The following NUP88 variants were observed in gnomAD, a reference collection of about 807,000 sequenced individuals.
NUP88 encodes the protein nucleoporin 88, also known as nuclear pore complex protein Nup88.
In NUP88, 57 loss-of-function variants were observed where a neutral mutation model predicts 93.9. The observed-to-expected ratio is 0.61, with a 90% confidence interval of 0.49 to 0.76. NUP88 has a LOEUF of 0.76. Ranked by LOEUF, NUP88 falls within the 30% of genes least tolerant of loss-of-function variation. The pLI is 0.00. For synonymous variants in NUP88, 346 were observed against 336.8 expected (o/e 1.03, Z -0.30); for missense variants, 911 against 901.0 (o/e 1.01, Z -0.14).
rs569816813 is a variant in NUP88, at chr17:5,412,444, CAT to C, written c.593+1563_593+1564del. Among the ~76,000 whole-genome samples, 15 of 152,308 alleles carry C rather than the reference CAT, an allele frequency of 9.8e-5. No homozygotes were observed. In the East Asian group the frequency reaches 2.9e-3, roughly 29 times the overall value. The stretch of plus-strand genomic sequence containing the variant: ...TGTCTCAGTTATAAGATCGAAAAAA[CAT>C]AGCAATACACACGTATCACGTTCAG... On this transcript the variant is annotated intron_variant, in intron 3 of 16. Transcript: ENST00000573584.
At position 5,416,608 on chromosome 17, in the gene NUP88, T is replaced by G. The variant is rs1914164317; in HGVS notation, c.372A>C (p.Ala124=). ...VLLSPTQHHV[A]LIGIKGLMVL... is the part of the protein sequence containing the mutation. ...CCATAAGTCCTTTTATTCCTATAAGTGCTACATGATGTTGTGTTGGGCTTA... is the reference window on the plus strand; with the variant it reads ...CCATAAGTCCTTTTATTCCTATAAGGGCTACATGATGTTGTGTTGGGCTTA... Residue 124 remains alanine (A), a synonymous_variant, in exon 2 of 17, where the codon GCA becomes GCC. Coordinates refer to ENST00000573584, the MANE Select transcript of NUP88 (RefSeq NM_002532.6). 3.1e-6 allele frequency: 5 copies of G among 1,612,476 alleles called. No homozygotes were observed. The East Asian group carries it at 1.1e-4, about 36-fold the overall frequency.
At chr17:5,391,120 C>T (rs182896800) in intron 10 of NUP88, among the ~76,000 whole-genome samples, 2 of 152,266 alleles carry the variant, frequency 1.3e-5, no homozygotes, top group Admixed American at 1.3e-4. Flanking sequence ...GTGACTTCAG[C>T]ATTTACTAAC....
chr17:5,417,461 C>T (rs980731590), intron 1 of NUP88, among the ~76,000 whole-genome samples: 4 of 151,868 alleles, frequency 2.6e-5, no homozygotes, highest in African/African-American at 7.2e-5. Flanking sequence ...GAGAAAGACC[C>T]CATTTCAAAA....
chr17:5,403,131 G>A (rs2151641683), intron 7 of NUP88, among the ~76,000 whole-genome samples: 1 of 152,248 alleles, frequency 6.6e-6, no homozygotes, highest in African/African-American at 2.4e-5. Context: ...ACTGCTTGAG[G>A]CCAGGAGTTT....
At chr17:5,413,514 T>A (rs923201892) in intron 3 of NUP88, among the ~76,000 whole-genome samples, 15 of 152,072 alleles carry the variant, frequency 9.9e-5, no homozygotes, top group Non-Finnish European at 1.0e-4. Context: ...AGAGTAGAAA[T>A]CTACGTAGCA....
chr17:5,394,830 G>A (rs1036232735), intron 9 of NUP88, 61 bp downstream of exon 9: 4 of 1,128,926 alleles, frequency 3.5e-6, no homozygotes, highest in East Asian at 2.3e-5. Flanking sequence ...GGATACAAAC[G>A]TATCTGAACT....
chr17:5,405,102 C>G lies in NUP88; in HGVS notation c.999G>C (p.Leu333=), dbSNP rs1393179525. ...CCCCTTCTAGCACGACACAGTGATACAGCATTCCTGATTCAGTAGCGATCA... is the reference window on the plus strand; with the variant it reads ...CCCCTTCTAGCACGACACAGTGATAGAGCATTCCTGATTCAGTAGCGATCA... ...ILVIATESGM[L]YHCVVLEGEE... is the part of the protein sequence containing the mutation. Residue 333 remains leucine, a synonymous_variant, in exon 6 of 17, where the codon CTG becomes CTC. Transcript: ENST00000573584. 1.9e-6 allele frequency: 3 copies of G among 1,614,030 alleles called. No homozygotes were observed. The highest frequency in any genetic ancestry group is 2.5e-6 in the Non-Finnish European group (3 of 1,180,026).
rs1291371414 is a variant in NUP88 at position 5,404,118 on chromosome 17, A to G, written c.1173T>C (p.Cys391=). The G allele has an allele frequency of 1.2e-6, 2 of 1,614,140 alleles. No homozygotes were observed. Among genetic ancestry groups the G allele is most frequent in the East Asian group, 2.2e-5 (1 of 44,880 alleles). The change falls in exon 7 of 17, where the codon TGT becomes TGC. Residue 391 remains cysteine, a synonymous_variant. Transcript: ENST00000573584. ...GCTTACCTCTATGAAGTTTGACTGG[A>G]CAAGAAAAGTCAGAATCAAAAGGGT... ...EDDPFDSDFS[C]PVKLHRDPKC...
chr17:5,413,865 G>T, intron 3 of NUP88, 144 bp downstream of exon 3: 2 of 779,168 alleles, frequency 2.6e-6, no homozygotes, highest in South Asian at 1.8e-5. Context: ...CAATTCTTAT[G>T]ATTGAGAATG....
At chr17:5,399,137 C>T (rs1326433700) in intron 8 of NUP88, among the ~76,000 whole-genome samples, 2 of 150,648 alleles carry the variant, frequency 1.3e-5, no homozygotes, top group East Asian at 3.9e-4. Flanking sequence ...GTGATCCACC[C>T]ACCTCGGCCT....
At chr17:5,406,271 A>T (rs1913483349) in intron 5 of NUP88, among the ~76,000 whole-genome samples, 1 of 152,240 alleles carries the variant, frequency 6.6e-6, no homozygotes, top group South Asian at 2.1e-4. Context: ...TGAGCATTCC[A>T]AGCTAGAGAT....
At chr17:5,387,746 G>A in intron 12 of NUP88, 33 bp downstream of exon 12, 1 of 1,608,802 alleles carries the variant, frequency 6.2e-7, no homozygotes, top group East Asian at 2.2e-5. Context: ...TACCAGCCAG[G>A]GATCGATGGT....
chr17:5,410,800 A>C lies in NUP88; in HGVS notation c.594-11T>G. The C allele has an allele frequency of 6.4e-7, 1 of 1,553,130 alleles. No individual in the cohort carries two copies. The highest frequency in any genetic ancestry group is 8.8e-7 in the Non-Finnish European group (1 of 1,135,066). On this transcript the variant is annotated splice_polypyrimidine_tract_variant and intron_variant, in intron 3 of 16. Transcript: ENST00000573584. ...CGTAGTGAGTAAATTCTAGCAACCA[A>C]AAGAGAAGAAAACCAGCACTTAAAA... is the stretch of plus-strand genomic sequence containing the variant.
rs764451361 is a variant in NUP88, at chr17:5,387,099, A to G, written c.1928T>C (p.Leu643Pro). The change falls in exon 15 of 17, where the codon CTA (leucine) becomes CCA (proline). Residue 643 changes from leucine (L) to proline (P), a missense_variant. Physicochemically the swap from Leu to Pro is moderately conservative, Grantham distance 98 (BLOSUM62 -3). Transcript: ENST00000573584. The part of the protein sequence containing the change: ...QEDIMNRMKK[L>P]LHSFHSELPV... ...GAGCTCAGAGTGAAAACTGTGAAGTAGTTTTTTCATCCTTTAGAAAAGGCA... is the reference window on the plus strand; with the variant it reads ...GAGCTCAGAGTGAAAACTGTGAAGTGGTTTTTTCATCCTTTAGAAAAGGCA... The G allele has an allele frequency of 6.2e-7, 1 of 1,613,334 alleles. No individual in the cohort carries two copies. Among genetic ancestry groups the G allele is most frequent in the Non-Finnish European group, 8.5e-7 (1 of 1,179,874 alleles).
chr17:5,413,541 T>C (rs1365050390), intron 3 of NUP88, among the ~76,000 whole-genome samples: 6 of 152,130 alleles, frequency 3.9e-5, no homozygotes, highest in Admixed American at 6.5e-5. Flanking sequence ...CATTTAATCA[T>C]AGAGTGCAAA....
At chr17:5,400,139 TTAAAA>T (rs1177372882) in intron 7 of NUP88, among the ~76,000 whole-genome samples, 34 of 111,650 alleles carry the variant, frequency 3.0e-4, no homozygotes, top group Non-Finnish European at 2.3e-4. Context: ...CTTTCATTTG[TTAAAA>T]AAAAAAAAAA....
rs773605064 is a variant in NUP88 at position 5,394,980 on chromosome 17, A to G, written c.1293T>C (p.Asp431=). 1 of 1,575,006 alleles carries G rather than the reference A, an allele frequency of 6.3e-7. No individual in the cohort carries two copies. Among genetic ancestry groups the G allele is most frequent in the Admixed American group, 1.7e-5 (1 of 59,958 alleles). The part of the protein sequence containing the change: ...IHKLHKFLGS[D]EEDKDSLQEL... Reference sequence around the variant, plus strand: ...CCTGTAAACTATCCTTATCTTCTTCATCTACCATGGAAGACATTACATAAA... The same window carrying G: ...CCTGTAAACTATCCTTATCTTCTTCGTCTACCATGGAAGACATTACATAAA... Residue 431 remains aspartate, a splice_region_variant and synonymous_variant, in exon 9 of 17, where the codon GAT becomes GAC. Coordinates refer to ENST00000573584, the MANE Select transcript of NUP88 (RefSeq NM_002532.6).
chr17:5,400,253 C>T (rs1393720214), intron 7 of NUP88, among the ~76,000 whole-genome samples: 1 of 151,338 alleles, frequency 6.6e-6, no homozygotes, highest in Admixed American at 6.6e-5. Context: ...AATCCCAGCA[C>T]TTTGGGAGGC....
At position 5,401,968 on chromosome 17, in the gene NUP88, G is replaced by C. The variant is rs760132874; in HGVS notation, c.1192+2131C>G. On this transcript the variant is annotated intron_variant, in intron 7 of 16. Transcript: ENST00000573584. ...TAATATGCCTTGTTCAGCACAATTAGGAACAAGTCAAAAATTTCTTAGTTT... is the reference window on the plus strand; with the variant it reads ...TAATATGCCTTGTTCAGCACAATTACGAACAAGTCAAAAATTTCTTAGTTT... Among the ~76,000 whole-genome samples, 27 of 152,196 alleles carry C rather than the reference G, an allele frequency of 1.8e-4. 1 individual carries two copies. Among genetic ancestry groups the C allele is most frequent in the Non-Finnish European group, 1.6e-4 (11 of 68,022 alleles).
Sources: gnomAD v4.1 joint callset for allele counts (sites outside exome capture counted in the v4.1 genomes callset) on GRCh38, gnomAD v4.1.1 for gene constraint, MANE v1.5 for transcripts, NCBI Gene and HGNC (gene_info 2026-07-23, HGNC 2026-07-21) for gene names.